Variants in EML6 observed in about 807,000 individuals in gnomAD.
EML6 encodes EMAP like 6, also known as echinoderm microtubule-associated protein-like 6.
A neutral mutation model predicts 240.1 loss-of-function variants in EML6; 154 were observed. That is an observed-to-expected ratio of 0.64 (90% CI 0.56 to 0.73). The LOEUF (loss-of-function observed/expected upper bound fraction) is 0.73, where lower values mean the gene tolerates loss of function less well. EML6 is among the 30% of genes least tolerant of loss of function. The probability of loss-of-function intolerance (pLI) is 0.00; values close to 1 mark genes in which losing one functional copy is unlikely to be tolerated. For synonymous variants in EML6, 1,148 were observed against 899.0 expected, an observed-to-expected ratio of 1.28 and a Z score of -4.95; for missense variants, 2,964 against 2,474.6, an observed-to-expected ratio of 1.20 and a Z score of -4.20.
rs776150543 is a variant in EML6 at position 54,871,617 on chromosome 2, A to T, written c.2344+12A>T. On this transcript the variant is annotated intron_variant, in intron 16 of 41. Transcript: ENST00000356458. Reference sequence around the variant, plus strand: ...ACTTGATTTTTCAGGTAAGGTCCAGAGTGATTGACACATGGTTCTACGTTG... The same window carrying T: ...ACTTGATTTTTCAGGTAAGGTCCAGTGTGATTGACACATGGTTCTACGTTG... 6.6e-7 allele frequency: 1 copy of T among 1,516,598 alleles called. No homozygotes were observed. The highest frequency in any genetic ancestry group is 1.2e-5 in the South Asian group (1 of 83,346). 93.9% of individuals were successfully genotyped at this position (1,516,598 alleles called of 1,614,324 possible).
chr2:54,804,163 C>G (rs1670340118), intron 2 of EML6, among the ~76,000 whole-genome samples: 1 of 152,232 alleles, frequency 6.6e-6, no homozygotes, highest in Non-Finnish European at 1.5e-5. Flanking sequence ...ATTTTGCCAT[C>G]TGGCAAAGCC....
intron 28 of EML6, among the ~76,000 whole-genome samples, chr2:54,938,047 G>C (rs544276894): frequency 2.0e-5 from 3 of 152,210 alleles, no homozygotes; most frequent in Non-Finnish European, 4.4e-5. Flanking sequence ...AAAAGTGATT[G>C]TATAAAAGTT....
intron 24 of EML6, among the ~76,000 whole-genome samples, chr2:54,905,490 G>C (rs1480398173): frequency 1.3e-5 from 2 of 152,022 alleles, no homozygotes; most frequent in African/African-American, 2.4e-5. Context: ...GGTATATATA[G>C]AGTAAATTTT....
intron 11 of EML6, 40 bp from the exon 12 acceptor site, chr2:54,859,494 C>G: frequency 2.6e-6 from 4 of 1,513,828 alleles, no homozygotes; most frequent in Non-Finnish European, 2.7e-6. Flanking sequence ...ATGAACTCTT[C>G]TTTTTTCATA....
intron 7 of EML6, among the ~76,000 whole-genome samples, chr2:54,838,854 T>TG (rs1669291733): frequency 6.6e-6 from 1 of 152,226 alleles, no homozygotes; most frequent in Non-Finnish European, 1.5e-5. Flanking sequence ...ACGCCTTCAG[T>TG]TCACAGTGTC....
chr2:54,814,516 C>A (rs143537051), intron 3 of EML6, among the ~76,000 whole-genome samples: 1 of 152,330 alleles, frequency 6.6e-6, no homozygotes, highest in African/African-American at 2.4e-5. Context: ...CAACCGCCTC[C>A]GTTTCCTGTG....
At position 54,859,619 on chromosome 2, in the gene EML6, A is replaced by C. The variant is rs1442975635; in HGVS notation, c.1743A>C (p.Thr581=). 6 of 1,551,352 alleles carry C rather than the reference A, an allele frequency of 3.9e-6. No individual in the cohort carries two copies. The change falls in exon 12 of 42, where the codon ACA becomes ACC. Residue 581 remains threonine, a synonymous_variant. Coordinates refer to ENST00000356458, the MANE Select transcript of EML6 (RefSeq NM_001039753.4). ...ATGACTTTCAGTGGGTGTTGAGCAC[A>C]GGAGGGGCTGATCACTCAGTTTTCC... ...WSHDFQWVLS[T]GGADHSVFQW...
At chr2:54,791,236 C>A (rs1201607903) in intron 2 of EML6, among the ~76,000 whole-genome samples, 5 of 152,160 alleles carry the variant, frequency 3.3e-5, no homozygotes, top group Non-Finnish European at 5.9e-5. Flanking sequence ...CCAGTACATG[C>A]CTGATCGGGA....
At chr2:54,849,731 G>A (rs371929428) in intron 9 of EML6, among the ~76,000 whole-genome samples, 4 of 152,112 alleles carry the variant, frequency 2.6e-5, no homozygotes, top group East Asian at 1.9e-4. Flanking sequence ...CTCGTGATCC[G>A]TCTGCCTCGG....
intron 2 of EML6, among the ~76,000 whole-genome samples, chr2:54,729,248 C>T (rs1300563352): frequency 1.3e-5 from 2 of 152,246 alleles, no homozygotes; most frequent in Non-Finnish European, 2.9e-5. Context: ...CTGCTGCAGT[C>T]TCACCTCTCC....
At chr2:54,839,573 T>C (rs1056198860) in intron 7 of EML6, among the ~76,000 whole-genome samples, 3 of 152,250 alleles carry the variant, frequency 2.0e-5, no homozygotes, top group African/African-American at 7.2e-5. Context: ...TCTCTTCCCT[T>C]CCACCCATGT....
intron 2 of EML6, among the ~76,000 whole-genome samples, chr2:54,760,491 T>A (rs1167248920): frequency 6.6e-6 from 1 of 152,134 alleles, no homozygotes; most frequent in African/African-American, 2.4e-5. Flanking sequence ...TAGGGAGATA[T>A]CTAGAGGTGG....
At chr2:54,898,411 T>G (rs1672882876) in intron 21 of EML6, among the ~76,000 whole-genome samples, 1 of 152,020 alleles carries the variant, frequency 6.6e-6, no homozygotes, top group Non-Finnish European at 1.5e-5. Context: ...TCTGGGAAGA[T>G]GTGAGGTTGA....
intron 30 of EML6, among the ~76,000 whole-genome samples, chr2:54,952,018 T>G (rs1242045685): frequency 6.6e-6 from 1 of 152,212 alleles, no homozygotes; most frequent in East Asian, 1.9e-4. Context: ...AAGTGCTCTT[T>G]CTTCCACTTC....
chr2:54,876,158 A>G (rs1671496768), intron 16 of EML6, among the ~76,000 whole-genome samples: 1 of 152,228 alleles, frequency 6.6e-6, no homozygotes, highest in Non-Finnish European at 1.5e-5. Flanking sequence ...GACTAAAAAC[A>G]TGGCTAAAAA....
At chr2:54,947,142 A>T (rs893270630) in intron 28 of EML6, among the ~76,000 whole-genome samples, 45 of 152,100 alleles carry the variant, frequency 3.0e-4, no homozygotes, top group Admixed American at 2.9e-3. Context: ...TGCTCTCCTC[A>T]TAGCCCCTGG....
intron 2 of EML6, among the ~76,000 whole-genome samples, chr2:54,777,659 C>T (rs1030892974): frequency 5.9e-5 from 9 of 152,106 alleles, no homozygotes; most frequent in Non-Finnish European, 1.0e-4. Flanking sequence ...TTCTGTTGGG[C>T]ACTGGAATCT....
chr2:54,941,776 G>T (rs1675440316), intron 28 of EML6, among the ~76,000 whole-genome samples: 1 of 152,242 alleles, frequency 6.6e-6, no homozygotes, highest in Middle Eastern at 3.2e-3. Flanking sequence ...AGTGCACGCA[G>T]GGCGAGGAGC....
At chr2:54,966,617 C>G in intron 38 of EML6, 1 of 158,210 alleles carries the variant, frequency 6.3e-6, no homozygotes, top group East Asian at 1.9e-4. Flanking sequence ...TCAGAAACAC[C>G]TGGCGGCTTT....
Sources: gnomAD v4.1 joint callset for allele counts (sites outside exome capture counted in the v4.1 genomes callset) on GRCh38, gnomAD v4.1.1 for gene constraint, MANE v1.5 for transcripts, NCBI Gene and HGNC (gene_info 2026-07-23, HGNC 2026-07-21) for gene names.